FOXP2: variants seen among roughly 807,000 people sequenced by gnomAD.
The protein encoded by FOXP2 is forkhead box protein P2.
FOXP2 carries 12 observed loss-of-function variants against 115.8 expected under a neutral mutation model. That is an observed-to-expected ratio of 0.10 (90% confidence interval 0.07 to 0.17). The LOEUF (loss-of-function observed/expected upper bound fraction) is 0.17. Ranked by LOEUF, FOXP2 falls within the 10% of genes least tolerant of loss-of-function variation. The pLI, the probability that FOXP2 is intolerant of heterozygous loss-of-function variation, is 1.00. For missense variants in FOXP2, 629 were observed against 843.5 expected (o/e 0.75, Z 3.15); for synonymous variants, 328 against 297.7 (o/e 1.10, Z -1.05).
chr7:114,372,483 T>C (rs1792037181), intron 2 of FOXP2, among the ~76,000 whole-genome samples: 1 of 152,186 alleles, frequency 6.6e-6, no homozygotes, highest in Non-Finnish European at 1.5e-5. Flanking sequence ...AGGATGTGCA[T>C]TTTAAAATAA....
intron 1 of FOXP2, among the ~76,000 whole-genome samples, chr7:114,238,783 A>C (rs1326783843): frequency 6.6e-6 from 1 of 150,548 alleles, no homozygotes; most frequent in Non-Finnish European, 1.5e-5. Flanking sequence ...GAAAAAAACC[A>C]AAAAAACAAA....
chr7:114,196,732 A>G (rs921326402), intron 1 of FOXP2, among the ~76,000 whole-genome samples: 5 of 152,228 alleles, frequency 3.3e-5, no homozygotes, highest in Non-Finnish European at 7.3e-5. Flanking sequence ...GCGATCTGCA[A>G]TCTGAGCTTT....
intron 1 of FOXP2, among the ~76,000 whole-genome samples, chr7:114,117,083 CAG>C (rs1224436421): frequency 2.0e-5 from 3 of 151,948 alleles, no homozygotes; most frequent in South Asian, 4.2e-4. Context: ...TTTTTAGCCT[CAG>C]GGGAAAAAAT....
At chr7:114,455,972 T>C (rs1795296957) in intron 2 of FOXP2, among the ~76,000 whole-genome samples, 1 of 152,180 alleles carries the variant, frequency 6.6e-6, no homozygotes, top group African/African-American at 2.4e-5. Context: ...GCCCATGTTC[T>C]GCTTTATGCC....
intron 2 of FOXP2, among the ~76,000 whole-genome samples, chr7:114,461,397 C>T (rs17137039): frequency 0.014 from 2,163 of 151,994 alleles, 105 homozygotes; most frequent in Admixed American, 0.09. Flanking sequence ...CCATTGTTAG[C>T]CCTTATTTCT....
intron 2 of FOXP2, among the ~76,000 whole-genome samples, chr7:114,398,942 T>C (rs961800657): frequency 6.6e-6 from 1 of 151,860 alleles, no homozygotes; most frequent in African/African-American, 2.4e-5. Context: ...TTGCTGGTTA[T>C]CTAATATTTT....
intron 2 of FOXP2, among the ~76,000 whole-genome samples, chr7:114,451,770 A>G (rs998232875): frequency 6.6e-6 from 1 of 152,056 alleles, no homozygotes; most frequent in African/African-American, 2.4e-5. Flanking sequence ...GAAAAATAAT[A>G]AGATGTTATG....
Position 114,558,303 on chromosome 7 carries a change from T to C in FOXP2, c.258+23597T>C, listed in dbSNP as rs545288319. ...TTTAAAACAGTATCTTGTCTCATTCTGCATTCTTCATAGTTACTTCTTGAG... is the reference window on the plus strand; with the variant it reads ...TTTAAAACAGTATCTTGTCTCATTCCGCATTCTTCATAGTTACTTCTTGAG... On this transcript the variant is annotated intron_variant, in intron 3 of 16. Coordinates refer to ENST00000350908, the MANE Select transcript of FOXP2 (RefSeq NM_014491.4). 3.9e-5 allele frequency among the ~76,000 whole-genome samples: 6 copies of C among 152,354 alleles called. No homozygotes were observed. The South Asian group carries it at 1.2e-3, about 32-fold the overall frequency.
rs1007103644 is a variant in FOXP2 at position 114,365,667 on chromosome 7, G to C, written c.-10-60835G>C. 5.3e-5 allele frequency among the ~76,000 whole-genome samples: 8 copies of C among 151,984 alleles called. 1 individual carries two copies. In the East Asian group the frequency reaches 5.8e-4, roughly 11 times the overall value. On this transcript the variant is annotated intron_variant, in intron 2 of 17. Coordinates refer to the FOXP2 transcript ENST00000634411. ...GAGTCTAACAATAGCCCTTTACTAAGATTTTTTAAGTTGTTTCAATCTAAT... is the reference window on the plus strand; with the variant it reads ...GAGTCTAACAATAGCCCTTTACTAACATTTTTTAAGTTGTTTCAATCTAAT...
At chr7:114,163,944 C>A (rs1792904384) in intron 1 of FOXP2, among the ~76,000 whole-genome samples, 2 of 152,166 alleles carry the variant, frequency 1.3e-5, no homozygotes, top group African/African-American at 2.4e-5. Flanking sequence ...ATTGTTTGGT[C>A]TTTAAAAGTT....
chr7:114,246,190 C>CT (rs899763891), intron 1 of FOXP2, among the ~76,000 whole-genome samples: 3 of 151,328 alleles, frequency 2.0e-5, no homozygotes, highest in Non-Finnish European at 3.0e-5. Context: ...AAGTTAAGCA[C>CT]TTTTTTTTTC....
intron 16 of FOXP2, among the ~76,000 whole-genome samples, chr7:114,671,741 A>T (rs1323307259): frequency 6.6e-6 from 1 of 152,216 alleles, no homozygotes; most frequent in East Asian, 1.9e-4. Flanking sequence ...TCAACATAGG[A>T]CTTGGGAAGT....
At chr7:114,644,997 T>C in intron 8 of FOXP2, 1 of 475,474 alleles carries the variant, frequency 2.1e-6, no homozygotes, top group South Asian at 2.3e-5. Context: ...TAGTAAAGAT[T>C]TTTGAATGAA....
intron 2 of FOXP2, among the ~76,000 whole-genome samples, chr7:114,516,074 GA>G (rs1798327893): frequency 1.3e-5 from 2 of 152,198 alleles, no homozygotes; most frequent in South Asian, 4.1e-4. Context: ...AAGTTCATAT[GA>G]AACCAAAAAA....
At chr7:114,471,962 GA>G (rs755686269) in intron 2 of FOXP2, among the ~76,000 whole-genome samples, 11,563 of 120,612 alleles carry the variant, frequency 0.096, 492 homozygotes, top group Middle Eastern at 0.19. Context: ...TCCATCTCAG[GA>G]AAAAAAAAAA....
chr7:114,250,442 T>A (rs1795411025), intron 1 of FOXP2, among the ~76,000 whole-genome samples: 1 of 152,190 alleles, frequency 6.6e-6, no homozygotes, highest in Admixed American at 6.5e-5. Flanking sequence ...TTTCTCCACA[T>A]CTTCTCCAGC....
At chr7:114,397,730 A>T (rs557025833) in intron 2 of FOXP2, among the ~76,000 whole-genome samples, 11 of 152,220 alleles carry the variant, frequency 7.2e-5, no homozygotes, top group Non-Finnish European at 1.3e-4. Flanking sequence ...GGTTCTTGGT[A>T]CAGTGGACTG....
At chr7:114,482,584 T>C (rs940004251) in intron 2 of FOXP2, among the ~76,000 whole-genome samples, 5 of 151,598 alleles carry the variant, frequency 3.3e-5, no homozygotes, top group Non-Finnish European at 5.9e-5. Context: ...TTCCCTTTCA[T>C]TTCCATCTTT....
chr7:114,245,485 T>C (rs776693403), intron 1 of FOXP2, among the ~76,000 whole-genome samples: 1 of 152,212 alleles, frequency 6.6e-6, no homozygotes, highest in South Asian at 2.1e-4. Context: ...ACTTTTGAAG[T>C]TGAGGAAGCT....
Sources: gnomAD v4.1 joint callset for allele counts (sites outside exome capture counted in the v4.1 genomes callset) on GRCh38, gnomAD v4.1.1 for gene constraint, MANE v1.5 for transcripts, NCBI Gene and HGNC (gene_info 2026-07-23, HGNC 2026-07-21) for gene names.